The following NAPG variants were observed in gnomAD, a reference collection of about 807,000 sequenced individuals.
NAPG encodes NSF attachment protein gamma, also known as gamma-soluble NSF attachment protein.
A neutral mutation model predicts 48.4 loss-of-function variants in NAPG; 25 were observed. That is an observed-to-expected ratio of 0.52 (90% CI 0.38 to 0.72). The LOEUF (loss-of-function observed/expected upper bound fraction) is 0.72, where lower values mean the gene tolerates loss of function less well. Among genes scored for constraint, NAPG ranks in the 30% least tolerant of loss-of-function variants. The probability of loss-of-function intolerance (pLI) is 0.00; values close to 1 mark genes in which losing one functional copy is unlikely to be tolerated. For synonymous variants in NAPG, 139 were observed against 127.2 expected, an observed-to-expected ratio of 1.09 and a Z score of -0.62; for missense variants, 359 against 372.5, an observed-to-expected ratio of 0.96 and a Z score of 0.30.
intron 4 of NAPG, among the ~76,000 whole-genome samples, chr18:10,533,933 T>C (rs1598409762): frequency 6.6e-6 from 1 of 152,110 alleles, no homozygotes; most frequent in Non-Finnish European, 1.5e-5. Context: ...TCACTTGAGG[T>C]CAGGAGTTCA....
At position 10,544,415 on chromosome 18, in the gene NAPG, T is replaced by C. The variant is rs2032219767; in HGVS notation, c.507-1911T>C. ...TTGGGTCCTTTTCCAAGCTCATTGA[T>C]TGTTGGCAGAATTGATTTCCTTGCA... On this transcript the variant is annotated intron_variant, in intron 8 of 11. Coordinates refer to ENST00000322897, the MANE Select transcript of NAPG (RefSeq NM_003826.3). This position sits in a 1 kb window ranked among gnomAD's most constrained non-coding sequence, Gnocchi z 5.1. Among the ~76,000 whole-genome samples, 2 of 152,182 alleles carry C rather than the reference T, an allele frequency of 1.3e-5. No homozygotes were observed. The highest frequency in any genetic ancestry group is 4.1e-4 in the South Asian group (2 of 4,834).
rs1323948700 is a variant in NAPG at position 10,539,639 on chromosome 18, C to G, written c.259-123C>G. 5.1e-6 allele frequency: 4 copies of G among 778,382 alleles called. No homozygotes were observed. The East Asian group carries it at 1.1e-4, about 21-fold the overall frequency. The allele number at this position is 778,382 out of a possible 1,614,324, so 48.2% of individuals were successfully genotyped here. A position where few individuals can be genotyped will look rare whatever the true frequency, so the allele number is the denominator to read the frequency against. On this transcript the variant is annotated intron_variant, in intron 5 of 11. Transcript: ENST00000322897. The surrounding 1 kb of genome is among the most constrained non-coding windows in gnomAD (Gnocchi z 4.7). ...GGACATGTATACCTATGTAACAAAC[C>G]TGCACATTCTGCACATGTGTCCCAG...
rs1567887714 is a variant in NAPG at position 10,530,790 on chromosome 18, A to G, written c.77A>G (p.Lys26Arg). The G allele has an allele frequency of 1.3e-6, 2 of 1,581,428 alleles. No individual in the cohort carries two copies. The highest frequency in any genetic ancestry group is 1.7e-6 in the Non-Finnish European group (2 of 1,164,256). ...AEKYLKTGFL[K>R]WKPDYDSAAS... ...TCTAGCCTGAAAACTGGTTTTTTAA[A>G]ATGGAAGCCAGATTATGACAGTGCC... The change falls in exon 2 of 12, where the codon AAA (lysine) becomes AGA (arginine). Residue 26 changes from lysine (K) to arginine (R), a missense_variant. Lys to Arg is a conservative substitution (Grantham distance 26). Coordinates refer to ENST00000322897, the MANE Select transcript of NAPG (RefSeq NM_003826.3).
At chr18:10,531,356 GAT>G (rs766570930) in intron 2 of NAPG, among the ~76,000 whole-genome samples, 5 of 152,102 alleles carry the variant, frequency 3.3e-5, no homozygotes, top group Admixed American at 2.6e-4. Context: ...CTTTATATAA[GAT>G]ATAAACAATC....
chr18:10,536,967 T>G (rs977772070), intron 5 of NAPG, among the ~76,000 whole-genome samples: 5 of 151,796 alleles, frequency 3.3e-5, no homozygotes, highest in Admixed American at 6.6e-5. Flanking sequence ...TTTTTGTTTT[T>G]TTTTTTTGAG....
chr18:10,526,799 A>T (rs1299905909), intron 1 of NAPG: 1 of 152,328 alleles, frequency 6.6e-6, no homozygotes, highest in African/African-American at 2.4e-5. Context: ...TGTTTGTGGG[A>T]CTGAACTGAT....
Position 10,534,509 on chromosome 18 carries a change from AT to A in NAPG, c.258+14del. 1.2e-6 allele frequency: 2 copies of A among 1,612,124 alleles called. No individual in the cohort carries two copies. The highest frequency in any genetic ancestry group is 1.7e-6 in the Non-Finnish European group (2 of 1,178,420). On this transcript the variant is annotated intron_variant, in intron 5 of 11. Transcript: ENST00000322897. This position sits in a 1 kb window ranked among gnomAD's most constrained non-coding sequence, Gnocchi z 5.0. The stretch of plus-strand genomic sequence containing the variant: ...AATGATGTTGAAGGTCAGTAATGTT[AT>A]GTCACAATTGTTGTGTAGGTAAAAT...
chr18:10,527,367 G>A (rs1468139587), intron 1 of NAPG, among the ~76,000 whole-genome samples: 1 of 152,154 alleles, frequency 6.6e-6, no homozygotes, highest in African/African-American at 2.4e-5. Flanking sequence ...AACTGCACAG[G>A]TGAAAGATCG....
rs1598409820 is a variant in NAPG at position 10,534,283 on chromosome 18, T to C, written c.228-183T>C. Among the ~76,000 whole-genome samples, 1 of 152,218 alleles carries C rather than the reference T, an allele frequency of 6.6e-6. No homozygotes were observed. The highest frequency in any genetic ancestry group is 1.9e-4 in the East Asian group (1 of 5,200). ...CTCAAATGTCTGATGTTCTAAGCCA[T>C]TATTCCCCACAAAAAAAGAATAAAA... On this transcript the variant is annotated intron_variant, in intron 4 of 11. Coordinates refer to ENST00000322897, the MANE Select transcript of NAPG (RefSeq NM_003826.3). This position sits in a 1 kb window ranked among gnomAD's most constrained non-coding sequence, Gnocchi z 5.0.
intron 1 of NAPG, 123 bp downstream of exon 1, chr18:10,526,281 G>T (rs999114922): frequency 2.8e-6 from 2 of 717,568 alleles, no homozygotes; most frequent in Non-Finnish European, 4.6e-6. Context: ...GCGCGCTGGT[G>T]CCCGCAGGGC....
At chr18:10,541,728 A>G (rs374566369) in intron 8 of NAPG, among the ~76,000 whole-genome samples, 3 of 152,194 alleles carry the variant, frequency 2.0e-5, no homozygotes, top group Admixed American at 1.3e-4. Flanking sequence ...GCCCCTTACT[A>G]TAAGACCCCA....
rs1263892952 is a variant in NAPG, at chr18:10,548,762, T to C, written c.666-205T>C. On this transcript the variant is annotated intron_variant, in intron 10 of 11. Transcript: ENST00000322897. The surrounding 1 kb of genome is among the most constrained non-coding windows in gnomAD (Gnocchi z 4.4). ...CACTGTTAACATTTGGGCTGGATAA[T>C]TCTTTGTGGTCGGGCCTGTCCTGTG... Among the ~76,000 whole-genome samples the C allele has an allele frequency of 6.6e-6, 1 of 152,160 alleles. No homozygotes were observed. The highest frequency in any genetic ancestry group is 1.5e-5 in the Non-Finnish European group (1 of 68,022).
At chr18:10,547,498 A>G (rs2032293311) in intron 9 of NAPG, among the ~76,000 whole-genome samples, 1 of 152,224 alleles carries the variant, frequency 6.6e-6, no homozygotes, top group African/African-American at 2.4e-5. Context: ...CCATGAGGTA[A>G]AGATAAACAC....
In NAPG at chr18:10,534,886, A is replaced by T. The variant is rs2032000944; in HGVS notation, c.258+390A>T. On this transcript the variant is annotated intron_variant, in intron 5 of 11. Coordinates refer to ENST00000322897, the MANE Select transcript of NAPG (RefSeq NM_003826.3). This position sits in a 1 kb window ranked among gnomAD's most constrained non-coding sequence, Gnocchi z 5.0. ...TGGGTTATAGAAGAGATTTTTACTT[A>T]TGTGAATAACAGTTGGCAGCAGAAA... Among the ~76,000 whole-genome samples, 1 of 152,224 alleles carries T rather than the reference A, an allele frequency of 6.6e-6. No homozygotes were observed. The highest frequency in any genetic ancestry group is 1.5e-5 in the Non-Finnish European group (1 of 68,034).
At chr18:10,526,246 G>GGGGGGGGGGGGGGGCC in intron 1 of NAPG, 88 bp downstream of exon 1, 1 of 490,184 alleles carries the variant, frequency 2.0e-6, no homozygotes. Context: ...GGGCGGGAGG[G>GGGGGGGGGGGGGGGCC]AGGGCTCAGG....
Position 10,526,235 on chromosome 18 carries a change from G to A in NAPG, c.56+77G>A, listed in dbSNP as rs1446823538. ...ACTGGCGCGGCCTTAGCACCCGGGG[G>A]GGGCGGGAGGGAGGGCTCAGGGCTG... On this transcript the variant is annotated intron_variant, in intron 1 of 11. Coordinates refer to ENST00000322897, the MANE Select transcript of NAPG (RefSeq NM_003826.3). 7.1e-5 allele frequency: 62 copies of A among 878,334 alleles called. No individual in the cohort carries two copies. The African/African-American group carries it at 9.5e-4, about 13-fold the overall frequency. The allele number at this position is 878,334 out of a possible 1,614,324, so 54.4% of individuals were successfully genotyped here. A position where few individuals can be genotyped will look rare whatever the true frequency, so the allele number is the denominator to read the frequency against.
At position 10,534,318 on chromosome 18, in the gene NAPG, G is replaced by A. The variant is rs2031988654; in HGVS notation, c.228-148G>A. The A allele has an allele frequency of 3.9e-6, 2 of 511,092 alleles. No individual in the cohort carries two copies. The highest frequency in any genetic ancestry group is 7.0e-5 in the South Asian group (2 of 28,514). The allele number at this position is 511,092 out of a possible 1,614,324, so 31.7% of individuals were successfully genotyped here. On this transcript the variant is annotated intron_variant, in intron 4 of 11. Transcript: ENST00000322897. The surrounding 1 kb of genome is among the most constrained non-coding windows in gnomAD (Gnocchi z 5.0). Reference sequence around the variant, plus strand: ...CAAAAAAAGAATAAAAAATTATATTGTGTGGTAATATAAGCCTGAAGTGAT... The same window carrying A: ...CAAAAAAAGAATAAAAAATTATATTATGTGGTAATATAAGCCTGAAGTGAT...
chr18:10,532,742 G>A lies in NAPG; in HGVS notation c.156G>A (p.Glu52=), dbSNP rs752567431. The change falls in exon 3 of 12, where the codon GAG becomes GAA. Residue 52 remains glutamate (E), a synonymous_variant. Transcript: ENST00000322897. ...CTTTTAAAAATGCCAAACAGTTTGA[G>A]CAAGCAAAAGATGCCTGCCTGAGGG... ...AVAFKNAKQF[E]QAKDACLREA... is the part of the protein sequence containing the mutation. 5.2e-5 allele frequency: 83 copies of A among 1,592,154 alleles called. No homozygotes were observed. The highest frequency in any genetic ancestry group is 6.8e-5 in the Non-Finnish European group (79 of 1,168,006).
chr18:10,540,105 A>G, intron 7 of NAPG, 51 bp downstream of exon 7: 2 of 1,413,088 alleles, frequency 1.4e-6, no homozygotes, highest in East Asian at 2.5e-5. Flanking sequence ...GTTTAGATTA[A>G]TAATATATAG....
Sources: allele counts gnomAD v4.1 joint callset (sites outside exome capture counted in the v4.1 genomes callset), GRCh38; gene constraint gnomAD v4.1.1; non-coding constraint Gnocchi (gnomAD v3.1); transcripts MANE v1.5; gene names NCBI Gene and HGNC (gene_info 2026-07-23, HGNC 2026-07-21).